The following ERBB4 variants were observed in gnomAD, a reference collection of about 807,000 sequenced individuals.
ERBB4 encodes receptor tyrosine-protein kinase erbB-4.
In ERBB4, 42 loss-of-function variants were observed where a neutral mutation model predicts 158.0. The observed-to-expected ratio is 0.27, with a 90% confidence interval of 0.21 to 0.34. The LOEUF is 0.34. Among genes scored for constraint, ERBB4 ranks in the 10% least tolerant of loss-of-function variants. The probability of loss-of-function intolerance (pLI) is 1.00; values close to 1 mark genes in which losing one functional copy is unlikely to be tolerated. For synonymous variants in ERBB4, 583 were observed against 558.7 expected, an observed-to-expected ratio of 1.04 and a Z score of -0.61; for missense variants, 1,333 against 1,624.1, an observed-to-expected ratio of 0.82 and a Z score of 3.08.
intron 20 of ERBB4, among the ~76,000 whole-genome samples, chr2:211,482,053 T>C (rs965623246): frequency 6.6e-6 from 1 of 152,132 alleles, no homozygotes; most frequent in East Asian, 1.9e-4. Flanking sequence ...TCTCCTATCT[T>C]GAGCAGAAAA....
chr2:211,675,760 T>C (rs1018454057), intron 13 of ERBB4, among the ~76,000 whole-genome samples: 3 of 130,704 alleles, frequency 2.3e-5, no homozygotes, highest in African/African-American at 8.1e-5. Context: ...AACATATATA[T>C]ATTTAATATA....
chr2:212,529,447 A>C (rs1692629417), intron 1 of ERBB4, among the ~76,000 whole-genome samples: 1 of 152,184 alleles, frequency 6.6e-6, no homozygotes, highest in Non-Finnish European at 1.5e-5. Context: ...CACTTGAAGA[A>C]ATACCCTAGG....
intron 3 of ERBB4, among the ~76,000 whole-genome samples, chr2:211,898,566 G>A (rs2079156001): frequency 6.6e-6 from 1 of 152,142 alleles, no homozygotes; most frequent in Admixed American, 6.5e-5. Context: ...TGCACTTAAA[G>A]TGAAATGACT....
chr2:211,408,279 A>T (rs926424397), intron 25 of ERBB4, among the ~76,000 whole-genome samples: 3 of 152,220 alleles, frequency 2.0e-5, no homozygotes, highest in African/African-American at 7.2e-5. Flanking sequence ...CAGAGCTGCG[A>T]ATCTTGTAGC....
chr2:212,169,830 C>G (rs2081460334), intron 1 of ERBB4, among the ~76,000 whole-genome samples: 1 of 152,128 alleles, frequency 6.6e-6, no homozygotes, highest in African/African-American at 2.4e-5. Flanking sequence ...TCTCTCTCAC[C>G]TGCTGCCATG....
intron 2 of ERBB4, among the ~76,000 whole-genome samples, chr2:212,053,119 G>T (rs898388815): frequency 1.1e-4 from 17 of 152,126 alleles, no homozygotes; most frequent in African/African-American, 4.1e-4. Flanking sequence ...AGAGTTCAAG[G>T]CTGCAGTGAG....
At chr2:211,428,137 A>G (rs2063670800) in intron 22 of ERBB4, among the ~76,000 whole-genome samples, 1 of 152,048 alleles carries the variant, frequency 6.6e-6, no homozygotes, top group African/African-American at 2.4e-5. Flanking sequence ...ACGGGTTGAT[A>G]GGTACAGCAA....
At chr2:211,725,818 GGAAA>G (rs902220292) in intron 5 of ERBB4, among the ~76,000 whole-genome samples, 54 of 136,000 alleles carry the variant, frequency 4.0e-4, no homozygotes, top group Middle Eastern at 7.5e-3. Flanking sequence ...TTTTACACGA[GGAAA>G]GAAAGGAAGG....
chr2:212,279,372 C>T (rs1007169535), intron 1 of ERBB4, among the ~76,000 whole-genome samples: 29 of 151,504 alleles, frequency 1.9e-4, no homozygotes, highest in African/African-American at 5.3e-4. Flanking sequence ...AATAATAGAA[C>T]GCTGCTGATT....
chr2:211,380,054 T>C lies in ERBB4; in HGVS notation c.*3561A>G, dbSNP rs1193084987. 1 of 232,038 alleles carries C rather than the reference T, an allele frequency of 4.3e-6. No individual in the cohort carries two copies. The highest frequency in any genetic ancestry group is 2.2e-5 in the African/African-American group (1 of 45,282). The allele number at this position is 232,038 out of a possible 1,614,324, so 14.4% of individuals were successfully genotyped here. A position where few individuals can be genotyped will look rare whatever the true frequency, so the allele number is the denominator to read the frequency against. On this transcript the variant is annotated 3_prime_UTR_variant, in exon 28 of 28. Transcript: ENST00000342788. ...AACACTTAAACACTATTCCTTCTCTTAAATTAGATATTCAGTCCTTCTCCC... is the reference window on the plus strand; with the variant it reads ...AACACTTAAACACTATTCCTTCTCTCAAATTAGATATTCAGTCCTTCTCCC...
intron 1 of ERBB4, among the ~76,000 whole-genome samples, chr2:212,396,492 C>T (rs2091029300): frequency 1.3e-5 from 2 of 152,048 alleles, no homozygotes; most frequent in Admixed American, 6.6e-5. Flanking sequence ...AATCAAGATA[C>T]CTATGATATA....
chr2:212,394,765 A>C (rs1263614989), intron 1 of ERBB4, among the ~76,000 whole-genome samples: 2 of 152,154 alleles, frequency 1.3e-5, no homozygotes, highest in Non-Finnish European at 2.9e-5. Flanking sequence ...GCCCTGTAAC[A>C]TGAATGAAGA....
intron 1 of ERBB4, among the ~76,000 whole-genome samples, chr2:212,288,606 T>G (rs1011325203): frequency 6.6e-6 from 1 of 152,150 alleles, no homozygotes; most frequent in African/African-American, 2.4e-5. Context: ...AGCCGGCTTC[T>G]CGCTTTGCTG....
intron 19 of ERBB4, among the ~76,000 whole-genome samples, chr2:211,614,249 A>T (rs545460060): frequency 6.6e-6 from 1 of 152,204 alleles, no homozygotes; most frequent in Admixed American, 6.6e-5. Context: ...GATAGAGAGT[A>T]GAAGGATGGT....
intron 1 of ERBB4, among the ~76,000 whole-genome samples, chr2:212,283,586 G>A (rs2085842133): frequency 6.6e-6 from 1 of 151,764 alleles, no homozygotes; most frequent in Non-Finnish European, 1.5e-5. Flanking sequence ...TATTCATTAA[G>A]TTTTTTTAAT....
chr2:211,760,597 C>T (rs28629246), intron 4 of ERBB4, among the ~76,000 whole-genome samples: 3,762 of 152,310 alleles, frequency 0.025, 167 homozygotes, highest in African/African-American at 0.087. Context: ...TAAAGGCTCT[C>T]TGGCATGAGA....
chr2:212,034,878 C>G (rs1415762547), intron 2 of ERBB4, among the ~76,000 whole-genome samples: 1 of 152,110 alleles, frequency 6.6e-6, no homozygotes, highest in Non-Finnish European at 1.5e-5. Context: ...GATGGTTTCA[C>G]TGGAACAAAG....
At chr2:211,853,772 T>C (rs184765794) in intron 3 of ERBB4, among the ~76,000 whole-genome samples, 19 of 152,068 alleles carry the variant, frequency 1.2e-4, no homozygotes, top group African/African-American at 2.7e-4. Flanking sequence ...GTGATTATGA[T>C]AGACAATAAT....
intron 2 of ERBB4, among the ~76,000 whole-genome samples, chr2:212,101,846 C>T (rs1489887749): frequency 4.6e-5 from 7 of 151,534 alleles, no homozygotes; most frequent in Admixed American, 2.0e-4. Context: ...ATTCAGTGAC[C>T]TTACTTCCCT....
Sources: allele counts gnomAD v4.1 joint callset (sites outside exome capture counted in the v4.1 genomes callset), GRCh38; gene constraint gnomAD v4.1.1; transcripts MANE v1.5; gene names NCBI Gene and HGNC (gene_info 2026-07-23, HGNC 2026-07-21).